The following TRMO variants were observed in gnomAD, a reference collection of about 807,000 sequenced individuals.
The protein encoded by TRMO is tRNA methyltransferase O.
In TRMO, 30 loss-of-function variants were observed where a neutral mutation model predicts 37.2. The observed-to-expected ratio is 0.81, with a 90% CI of 0.60 to 1.09. The LOEUF (loss-of-function observed/expected upper bound fraction) is 1.09. Among genes scored for constraint, TRMO ranks in the 50% least tolerant of loss-of-function variants. TRMO has a pLI of 0.00. For synonymous variants in TRMO, 239 were observed against 199.4 expected (o/e 1.20, Z -1.67); for missense variants, 552 against 549.5 (o/e 1.00, Z -0.05).
chr9:97,897,548 T>C, the TRMO span, among the ~76,000 whole-genome samples: 18 of 152,240 alleles, frequency 1.2e-4, no homozygotes, highest in African/African-American at 4.3e-4. Flanking sequence ...CTCTTCTAAG[T>C]GGTGGTTAGG....
At chr9:97,922,283 C>A in intron 1 of TRMO, 135 bp downstream of exon 1, 1 of 654,888 alleles carries the variant, frequency 1.5e-6, no homozygotes, top group East Asian at 2.8e-5. Flanking sequence ...AGCACGTGAC[C>A]CGTGCCTTCG....
rs377126237 is a variant in TRMO, at chr9:97,908,272, T to C, written c.1066+1688A>G. On this transcript the variant is annotated intron_variant, in intron 4 of 4. Coordinates refer to ENST00000375119, the MANE Select transcript of TRMO (RefSeq NM_016481.5). The stretch of plus-strand genomic sequence containing the variant: ...CTAAAAATACAAAAAATTAGCTGGG[T>C]GTGGTGGCGGGCGCCTGTAGTCCCA... Among the ~76,000 whole-genome samples, 473 of 151,834 alleles carry C rather than the reference T, an allele frequency of 3.1e-3. 2 individuals are homozygous for C. Among genetic ancestry groups the C allele is most frequent in the Admixed American group, 6.6e-3 (101 of 15,250 alleles).
chr9:97,910,262 C>T lies in TRMO; in HGVS notation c.764G>A (p.Gly255Asp), dbSNP rs1430800993. ...PMHREIAVDF[G>D]LESRRDQSSS... Reference sequence around the variant, plus strand: ...ACTCTGATCACGTCTTGATTCCAAACCAAAATCCACTGCTATCTCCCTGTG... The same window carrying T: ...ACTCTGATCACGTCTTGATTCCAAATCAAAATCCACTGCTATCTCCCTGTG... The change falls in exon 4 of 5, where the codon GGT (glycine) becomes GAT (aspartate). Residue 255 changes from glycine to aspartate, a missense_variant. By Grantham distance (94) the Gly-to-Asp change is moderately conservative. Transcript: ENST00000375119. 8.1e-6 allele frequency: 13 copies of T among 1,614,114 alleles called. No homozygotes were observed. The highest frequency in any genetic ancestry group is 1.3e-5 in the African/African-American group (1 of 74,940).
downstream of TRMO, among the ~76,000 whole-genome samples, chr9:97,902,577 C>T (rs1246872686): frequency 6.6e-6 from 1 of 152,188 alleles, no homozygotes; most frequent in Non-Finnish European, 1.5e-5. Context: ...GCTGGGATTA[C>T]AGGCATGAGC....
intron 3 of TRMO, chr9:97,912,303 T>A: frequency 6.5e-6 from 1 of 152,882 alleles, no homozygotes; most frequent in Non-Finnish European, 1.5e-5. Flanking sequence ...AACATTAAGT[T>A]CTTTAGGGCA....
the TRMO span, among the ~76,000 whole-genome samples, chr9:97,898,838 CTTTTT>C: frequency 4.5e-5 from 4 of 89,056 alleles, no homozygotes; most frequent in African/African-American, 2.1e-4. Context: ...TATATATATA[CTTTTT>C]TTTTTTTTTT....
chr9:97,900,215 G>A (rs984460972), downstream of TRMO, among the ~76,000 whole-genome samples: 1 of 152,198 alleles, frequency 6.6e-6, no homozygotes, highest in Non-Finnish European at 1.5e-5. Flanking sequence ...TATTACCTAG[G>A]TTTATAGGTC....
the TRMO span, among the ~76,000 whole-genome samples, chr9:97,898,608 A>G: frequency 6.6e-6 from 1 of 151,964 alleles, no homozygotes; most frequent in African/African-American, 2.4e-5. Flanking sequence ...GACTGTTCCC[A>G]AACTCCTGGC....
chr9:97,913,684 A>T, intron 2 of TRMO, 126 bp from the exon 3 acceptor site: 1 of 649,096 alleles, frequency 1.5e-6, no homozygotes, highest in Non-Finnish European at 2.7e-6. Flanking sequence ...TTTAAATAGT[A>T]TTAACTTGTC....
chr9:97,919,965 C>T (rs546376107), intron 1 of TRMO, among the ~76,000 whole-genome samples: 145 of 152,300 alleles, frequency 9.5e-4, no homozygotes, highest in Non-Finnish European at 8.1e-4. Context: ...TATCCTAGTA[C>T]GTCTGAACTC....
rs769366984 is a variant in TRMO at position 97,909,986 on chromosome 9, A to G, written c.1040T>C (p.Met347Thr). ...TTGTGAACTGAGCTGCCCAAGGTCC[A>G]TCTCGGCATGAGGAGTAAACCGCAC... ...LEVRFTPHAE[M>T]DLGQLSSQDV... The change falls in exon 4 of 5, where the codon ATG becomes ACG. Residue 347 changes from methionine to threonine, a missense_variant. Transcript: ENST00000375119. 4.5e-6 allele frequency: 7 copies of G among 1,559,188 alleles called. No individual in the cohort carries two copies. In the South Asian group the frequency reaches 4.8e-5, roughly 11 times the overall value.
At position 97,921,847 on chromosome 9, in the gene TRMO, G is replaced by C. The variant is rs550081050; in HGVS notation, c.76+571C>G. On this transcript the variant is annotated intron_variant, in intron 1 of 4. Transcript: ENST00000375119. ...TGTATGCAAAGAAACAAGCGTGGAA[G>C]GTAGACACCAAGATATTGACAATGG... Among the ~76,000 whole-genome samples the C allele has an allele frequency of 5.3e-5, 8 of 152,218 alleles. No individual in the cohort carries two copies. In the East Asian group the frequency reaches 1.5e-3, roughly 29 times the overall value.
the TRMO span, among the ~76,000 whole-genome samples, chr9:97,899,090 G>A: frequency 5.9e-4 from 90 of 151,778 alleles, 1 homozygote; most frequent in African/African-American, 2.1e-3. Flanking sequence ...CGCCCGCCTC[G>A]GCCTCCCAAA....
chr9:97,902,398 T>TCTCCTGGGAGAATCC, downstream of TRMO, among the ~76,000 whole-genome samples: 1 of 152,296 alleles, frequency 6.6e-6, no homozygotes, highest in African/African-American at 2.4e-5. Flanking sequence ...CCTCCCAGGT[T>TCTCCTGGGAGAATCC]CAAGCGATTC....
intron 1 of TRMO, among the ~76,000 whole-genome samples, chr9:97,916,934 G>A: frequency 6.8e-6 from 1 of 146,448 alleles, no homozygotes; most frequent in East Asian, 2.0e-4. Context: ...GGTTGGTCTT[G>A]AACTCCTGAC....
At chr9:97,920,810 G>C (rs1200117664) in intron 1 of TRMO, among the ~76,000 whole-genome samples, 1 of 152,136 alleles carries the variant, frequency 6.6e-6, no homozygotes, top group Non-Finnish European at 1.5e-5. Context: ...AAATACTCTA[G>C]ACGAATCCTC....
Position 97,904,592 on chromosome 9 carries a change from A to G in TRMO, c.*141T>C. On this transcript the variant is annotated 3_prime_UTR_variant, in exon 5 of 5. Coordinates refer to ENST00000375119, the MANE Select transcript of TRMO (RefSeq NM_016481.5). ...TTATTAATGTATACGTTTTTCAAAT[A>G]AACATTTTGAACAGCCCAAATCAAT... 1 of 1,491,402 alleles carries G rather than the reference A, an allele frequency of 6.7e-7. No homozygotes were observed. Among genetic ancestry groups the G allele is most frequent in the Non-Finnish European group, 8.9e-7 (1 of 1,125,604 alleles). 92.4% of individuals were successfully genotyped at this position (1,491,402 alleles called of 1,614,324 possible).
At chr9:97,906,841 CA>C (rs752160277) in intron 4 of TRMO, among the ~76,000 whole-genome samples, 28 of 125,490 alleles carry the variant, frequency 2.2e-4, no homozygotes, top group South Asian at 7.4e-4. Context: ...GACTCCGTCT[CA>C]AAAAAAAAAA....
chr9:97,916,517 C>T (rs1401090780), intron 1 of TRMO, among the ~76,000 whole-genome samples, 179 bp from the exon 2 acceptor site: 3 of 152,072 alleles, frequency 2.0e-5, no homozygotes, highest in African/African-American at 7.2e-5. Context: ...TACATACACA[C>T]ACATACACAT....
Sources: gnomAD v4.1 joint callset for allele counts (sites outside exome capture counted in the v4.1 genomes callset) on GRCh38, gnomAD v4.1.1 for gene constraint, MANE v1.5 for transcripts, NCBI Gene and HGNC (gene_info 2026-07-23, HGNC 2026-07-21) for gene names.